METTL16: variants seen among roughly 807,000 people sequenced by gnomAD.
METTL16 encodes the protein RNA N(6)-adenosine-methyltransferase METTL16.
Under a neutral mutation model 57.9 loss-of-function variants are expected in METTL16, and 19 were observed. The ratio of observed to expected loss-of-function variants is 0.33; its 90% CI spans 0.23 to 0.48. The LOEUF (loss-of-function observed/expected upper bound fraction) is 0.48, where lower values mean the gene tolerates loss of function less well. Among genes scored for constraint, METTL16 ranks in the 20% least tolerant of loss-of-function variants. METTL16 has a pLI of 0.99. For missense variants in METTL16, 434 were observed against 691.5 expected, an observed-to-expected ratio of 0.63 and a Z score of 4.18; for synonymous variants, 246 against 255.6, an observed-to-expected ratio of 0.96 and a Z score of 0.36.
At chr17:2,507,594 C>T (rs2067554566) in intron 1 of METTL16, among the ~76,000 whole-genome samples, 1 of 152,168 alleles carries the variant, frequency 6.6e-6, no homozygotes. Flanking sequence ...TGAGGAGCCC[C>T]TCTGCCCGGC....
At position 2,473,591 on chromosome 17, in the gene METTL16, C is replaced by T. The variant is rs780648697; in HGVS notation, c.402G>A (p.Val134=). ...LNGWYFLATE[V]DDMCFNYAKK... ...TTGCATAGTTGAAACACATATCATC[C>T]ACTTCTGTTGCGAGGAAATACCAGC... Residue 134 remains valine, a synonymous_variant, in exon 4 of 10, where the codon GTG becomes GTA. Coordinates refer to ENST00000263092, the MANE Select transcript of METTL16 (RefSeq NM_024086.4). 1.2e-6 allele frequency: 2 copies of T among 1,614,060 alleles called. No homozygotes were observed. Among genetic ancestry groups the T allele is most frequent in the Admixed American group, 1.7e-5 (1 of 59,986 alleles).
rs548539018 is a variant in METTL16, at chr17:2,461,317, C to T, written c.728+2891G>A. ...CAGAGGCTGCAGTGAGCCAACATCA[C>T]CCTAGTGCATGCACTCCAGCCTGGG... On this transcript the variant is annotated intron_variant, in intron 6 of 9. Transcript: ENST00000263092. 3.9e-5 allele frequency among the ~76,000 whole-genome samples: 6 copies of T among 152,174 alleles called. No homozygotes were observed. The South Asian group carries it at 1.2e-3, about 32-fold the overall frequency.
chr17:2,467,661 C>T (rs977434537), intron 5 of METTL16, 100 bp downstream of exon 5: 1 of 803,918 alleles, frequency 1.2e-6, no homozygotes, highest in Non-Finnish European at 2.1e-6. Flanking sequence ...CTCCTGACTT[C>T]ATGATTCACC....
intron 8 of METTL16, among the ~76,000 whole-genome samples, chr17:2,422,247 G>C (rs1423102320): frequency 6.6e-6 from 1 of 151,582 alleles, no homozygotes; most frequent in Non-Finnish European, 1.5e-5. Flanking sequence ...AGGAGCCAAA[G>C]GTTGCAGTGA....
intron 8 of METTL16, among the ~76,000 whole-genome samples, chr17:2,428,608 G>A (rs1477031255): frequency 9.5e-5 from 6 of 63,132 alleles, no homozygotes; most frequent in African/African-American, 2.8e-4. Flanking sequence ...TATATAAATT[G>A]TAATACAGCG....
intron 5 of METTL16, among the ~76,000 whole-genome samples, chr17:2,466,220 A>G (rs1349459683): frequency 6.6e-6 from 1 of 151,392 alleles, no homozygotes; most frequent in Non-Finnish European, 1.5e-5. Context: ...AAAGCCACTT[A>G]ACAGTAAAAA....
chr17:2,478,778 C>T (rs1447115845), intron 2 of METTL16, among the ~76,000 whole-genome samples: 1 of 152,188 alleles, frequency 6.6e-6, no homozygotes, highest in Non-Finnish European at 1.5e-5. Context: ...TTGTGAGGTT[C>T]ATCCATTTTG....
chr17:2,482,187 T>G (rs2067312158), intron 2 of METTL16, among the ~76,000 whole-genome samples: 1 of 152,326 alleles, frequency 6.6e-6, no homozygotes, highest in East Asian at 1.9e-4. Flanking sequence ...GGAACTACAG[T>G]AAGTCTTCAC....
At position 2,416,879 on chromosome 17, in the gene METTL16, C is replaced by A. The variant is rs2066720733; in HGVS notation, c.*3091G>T. On this transcript the variant is annotated 3_prime_UTR_variant, in exon 10 of 10. Transcript: ENST00000263092. ...TGTACCAGAGGTATATGCTATGAAA[C>A]AACACACAATTATAAAGCATATGCA... is the stretch of plus-strand genomic sequence containing the variant. 6.6e-6 allele frequency: 1 copy of A among 152,210 alleles called. No individual in the cohort carries two copies. Among genetic ancestry groups the A allele is most frequent in the African/African-American group, 2.4e-5 (1 of 41,382 alleles). The allele number at this position is 152,210 out of a possible 1,614,324, so 9.4% of individuals were successfully genotyped here.
chr17:2,506,339 G>A (rs537121598), intron 1 of METTL16, among the ~76,000 whole-genome samples: 295 of 144,982 alleles, frequency 2.0e-3, no homozygotes, highest in African/African-American at 6.6e-3. Flanking sequence ...ATGCCGAGCC[G>A]AAGCTGAACT....
At chr17:2,465,718 T>G (rs967983925) in intron 5 of METTL16, among the ~76,000 whole-genome samples, 3 of 146,136 alleles carry the variant, frequency 2.1e-5, no homozygotes, top group African/African-American at 7.7e-5. Context: ...CAAAAAAAAT[T>G]AGCCACACGC....
chr17:2,463,627 C>A (rs552252697), intron 6 of METTL16, among the ~76,000 whole-genome samples: 9 of 151,702 alleles, frequency 5.9e-5, no homozygotes, highest in South Asian at 2.1e-4. Flanking sequence ...ACACCCAGCT[C>A]ATTTTTATAT....
At chr17:2,458,268 C>T (rs72805754) in intron 6 of METTL16, among the ~76,000 whole-genome samples, 6,554 of 152,198 alleles carry the variant, frequency 0.043, 494 homozygotes, top group East Asian at 0.34. Flanking sequence ...GCAGGGGACA[C>T]GCTGGTGCTT....
chr17:2,431,777 T>C (rs2066875403), intron 8 of METTL16, among the ~76,000 whole-genome samples: 1 of 152,152 alleles, frequency 6.6e-6, no homozygotes, highest in African/African-American at 2.4e-5. Flanking sequence ...AATCTGCATT[T>C]TGGGGAATAG....
chr17:2,488,901 T>C (rs925484259), intron 2 of METTL16, among the ~76,000 whole-genome samples: 2 of 152,150 alleles, frequency 1.3e-5, no homozygotes, highest in Non-Finnish European at 2.9e-5. Context: ...ACTTTTCAAC[T>C]CTCTGATACA....
At chr17:2,474,464 T>C (rs2067256577) in intron 3 of METTL16, among the ~76,000 whole-genome samples, 1 of 150,678 alleles carries the variant, frequency 6.6e-6, no homozygotes, top group East Asian at 1.9e-4. Context: ...AAATATTTGG[T>C]TTGGAGCCAC....
chr17:2,424,879 C>T (rs548156239), intron 8 of METTL16, among the ~76,000 whole-genome samples: 6 of 151,570 alleles, frequency 4.0e-5, no homozygotes, highest in South Asian at 2.1e-4. Flanking sequence ...ACCCGGGAGG[C>T]GGACCTTGCA....
In METTL16 at chr17:2,480,807, G is replaced by A. The variant is rs560803616; in HGVS notation, c.129-2922C>T. Among the ~76,000 whole-genome samples, 9 of 152,288 alleles carry A rather than the reference G, an allele frequency of 5.9e-5. No homozygotes were observed. The East Asian group carries it at 1.7e-3, about 29-fold the overall frequency. On this transcript the variant is annotated intron_variant, in intron 2 of 9. Coordinates refer to ENST00000263092, the MANE Select transcript of METTL16 (RefSeq NM_024086.4). ...GTCCATCCTTAAATGTAGAAGTAAT[G>A]AAAGAGTTAGATAATTACATTTGGC...
chr17:2,438,499 T>C (rs1405665544), intron 7 of METTL16, among the ~76,000 whole-genome samples: 1 of 151,946 alleles, frequency 6.6e-6, no homozygotes, highest in Non-Finnish European at 1.5e-5. Flanking sequence ...CTCAAGTGAG[T>C]TTTTTTGTTT....
Sources: gnomAD v4.1 joint callset for allele counts (sites outside exome capture counted in the v4.1 genomes callset) on GRCh38, gnomAD v4.1.1 for gene constraint, MANE v1.5 for transcripts, NCBI Gene and HGNC (gene_info 2026-07-23, HGNC 2026-07-21) for gene names.